MIDN: variants seen among roughly 807,000 people sequenced by gnomAD.
The protein encoded by MIDN is midbrain nucleolar protein.
Under a neutral mutation model 46.1 loss-of-function variants are expected in MIDN, and 26 were observed. That is an observed-to-expected ratio of 0.56 (90% CI 0.41 to 0.78). The LOEUF (loss-of-function observed/expected upper bound fraction) is 0.78. MIDN is among the 30% of genes least tolerant of loss of function. The pLI is 0.00. For missense variants in MIDN, 850 were observed against 771.8 expected (o/e 1.10, Z -1.20); for synonymous variants, 432 against 343.3 (o/e 1.26, Z -2.86).
At chr19:1,255,276 C>A in intron 7 of MIDN, 146 bp from the exon 8 acceptor site, 2 of 1,207,724 alleles carry the variant, frequency 1.7e-6, no homozygotes, top group Non-Finnish European at 2.3e-6. Flanking sequence ...GGGGACGTGT[C>A]CCGCTCCCGC....
intron 1 of MIDN, 34 bp from the exon 2 acceptor site, chr19:1,249,856 T>G (rs973699110): frequency 6.6e-6 from 1 of 151,596 alleles, no homozygotes. Context: ...GTTGATACAT[T>G]ATAACTTTTT....
intron 4 of MIDN, among the ~76,000 whole-genome samples, chr19:1,253,369 G>A (rs1199937112): frequency 1.3e-5 from 2 of 152,080 alleles, no homozygotes; most frequent in South Asian, 2.1e-4. Flanking sequence ...GAGCTGGGAG[G>A]CGGTCGGTTC....
chr19:1,256,941 C>CT (rs2081205817), intron 8 of MIDN, 54 bp from the exon 9 acceptor site: 36 of 1,597,488 alleles, frequency 2.3e-5, no homozygotes, highest in Non-Finnish European at 3.1e-5. Context: ...GGGTGGTCCT[C>CT]TGTGTTCAGC....
Position 1,255,472 on chromosome 19 carries a change from A to G in MIDN, c.1036A>G (p.Ile346Val), listed in dbSNP as rs774057147. The G allele has an allele frequency of 1.4e-5, 22 of 1,609,272 alleles. No individual in the cohort carries two copies. Among genetic ancestry groups the G allele is most frequent in the African/African-American group, 2.7e-5 (2 of 74,848 alleles). ...QDSSGRPRRD[I>V]GTILQILNDL... Reference sequence around the variant, plus strand: ...CAGCAGCGGGCGGCCGCGGCGTGACATCGGCACCATCCTGCAGATCCTGAA... The same window carrying G: ...CAGCAGCGGGCGGCCGCGGCGTGACGTCGGCACCATCCTGCAGATCCTGAA... The change falls in exon 8 of 9, where the codon ATC becomes GTC. Residue 346 changes from isoleucine to valine, a missense_variant. Physicochemically the swap from Ile to Val is conservative, Grantham distance 29. Coordinates refer to ENST00000682408, the MANE Select transcript of MIDN (RefSeq NM_001388306.1).
Position 1,253,629 on chromosome 19 carries a change from C to T in MIDN, c.385-325C>T, listed in dbSNP as rs537194762. The T allele has an allele frequency of 2.0e-4, 32 of 160,480 alleles. No homozygotes were observed. In the South Asian group the frequency reaches 4.2e-3, roughly 21 times the overall value. The allele number at this position is 160,480 out of a possible 1,614,324, so 9.9% of individuals were successfully genotyped here. ...CTTCCTGCAGCCTTGCCACAGCCCCCTAGGCCTCCGCCCCGCCCAGGACAG... is the reference window on the plus strand; with the variant it reads ...CTTCCTGCAGCCTTGCCACAGCCCCTTAGGCCTCCGCCCCGCCCAGGACAG... On this transcript the variant is annotated intron_variant, in intron 4 of 8. Transcript: ENST00000682408.
chr19:1,255,024 G>C lies in MIDN; in HGVS notation c.948G>C (p.Val316=). 5.0e-6 allele frequency: 8 copies of C among 1,613,326 alleles called. No homozygotes were observed. Among genetic ancestry groups the C allele is most frequent in the Non-Finnish European group, 6.8e-6 (8 of 1,179,888 alleles). ...CCGGCGCCGTCATCGAGAGCTTTGT[G>C]AATCACGCCCCGGGGGTCTTCTCAG... ...RKPGAVIESF[V]NHAPGVFSGT... Residue 316 remains valine, a synonymous_variant, in exon 7 of 9, where the codon GTG becomes GTC. Transcript: ENST00000682408.
intron 4 of MIDN, among the ~76,000 whole-genome samples, chr19:1,253,040 G>A (rs1285804063): frequency 6.8e-6 from 1 of 146,550 alleles, no homozygotes; most frequent in African/African-American, 2.5e-5. Flanking sequence ...GGGTTGGGGG[G>A]GGCTGGAGGG....
Position 1,255,525 on chromosome 19 carries a change from C to T in MIDN, c.1089C>T (p.Tyr363=). 6.2e-7 allele frequency: 1 copy of T among 1,612,032 alleles called. No homozygotes were observed. Among genetic ancestry groups the T allele is most frequent in the Non-Finnish European group, 8.5e-7 (1 of 1,179,612 alleles). ...LNDLLSATRH[Y]QGMPPSLAQL... ...ACCTCCTGAGCGCCACCCGGCACTA[C>T]CAGGGCATGCCCCCTTCGCTGGCCC... is the stretch of plus-strand genomic sequence containing the variant. The change falls in exon 8 of 9, where the codon TAC becomes TAT. Residue 363 remains tyrosine, a synonymous_variant. Transcript: ENST00000682408.
rs954492587 is a variant in MIDN, at chr19:1,256,844, G to A, written c.1259-151G>A. ...GGCGTGAACCACTGTGCCCGGCATG[G>A]TGGATGTCCTTGACTGTTTCCTTTG... On this transcript the variant is annotated intron_variant, in intron 8 of 8. Coordinates refer to ENST00000682408, the MANE Select transcript of MIDN (RefSeq NM_001388306.1). 1.6e-5 allele frequency: 19 copies of A among 1,162,644 alleles called. No individual in the cohort carries two copies. In the East Asian group the frequency reaches 4.7e-4, roughly 29 times the overall value. 72.0% of individuals were successfully genotyped at this position (1,162,644 alleles called of 1,614,324 possible).
intron 4 of MIDN, 54 bp from the exon 5 acceptor site, chr19:1,253,900 C>G (rs2081164474): frequency 7.4e-7 from 1 of 1,350,270 alleles, no homozygotes. Context: ...GCAAGACCGA[C>G]CTAGTTGGCC....
chr19:1,252,658 C>T (rs1028369609), intron 4 of MIDN, among the ~76,000 whole-genome samples: 4 of 152,208 alleles, frequency 2.6e-5, no homozygotes, highest in East Asian at 1.9e-4. Flanking sequence ...GCAATCCGCC[C>T]GCTGCCAGGG....
Position 1,251,919 on chromosome 19 carries a change from C to T in MIDN, c.384+18C>T, listed in dbSNP as rs1364789001. Reference sequence around the variant, plus strand: ...AGACGCAGGTAAGACCTCGCCAGCCCCTTCCTAACAGGGCAGCCCTGGGAG... The same window carrying T: ...AGACGCAGGTAAGACCTCGCCAGCCTCTTCCTAACAGGGCAGCCCTGGGAG... On this transcript the variant is annotated intron_variant, in intron 4 of 8. Transcript: ENST00000682408. 6.2e-7 allele frequency: 1 copy of T among 1,610,402 alleles called. No individual in the cohort carries two copies. The highest frequency in any genetic ancestry group is 1.1e-5 in the South Asian group (1 of 90,870).
chr19:1,254,836 G>T, intron 6 of MIDN, 66 bp from the exon 7 acceptor site: 2 of 1,524,362 alleles, frequency 1.3e-6, no homozygotes, highest in Non-Finnish European at 1.8e-6. Flanking sequence ...GTGATCTCTG[G>T]TCCCTGGGTT....
chr19:1,254,671 G>A (rs1234789465), intron 6 of MIDN, among the ~76,000 whole-genome samples, 193 bp downstream of exon 6: 1 of 152,142 alleles, frequency 6.6e-6, no homozygotes, highest in Non-Finnish European at 1.5e-5. Context: ...TGAGTTGACG[G>A]TCATCGCCTG....
chr19:1,253,350 C>T (rs113173533), intron 4 of MIDN, among the ~76,000 whole-genome samples: 5,859 of 151,952 alleles, frequency 0.039, 367 homozygotes, highest in African/African-American at 0.13. Flanking sequence ...AGAGGAGAGC[C>T]GGGAGGGAGA....
intron 8 of MIDN, 146 bp from the exon 9 acceptor site, chr19:1,256,849 T>C: frequency 6.7e-6 from 8 of 1,191,558 alleles, no homozygotes; most frequent in Non-Finnish European, 9.4e-6. Context: ...GCATGGTGGA[T>C]GTCCTTGACT....
chr19:1,250,477 TC>T lies in MIDN; in HGVS notation c.184del (p.Gln62SerfsTer35). On this transcript the variant is annotated frameshift_variant, in exon 2 of 9. Coordinates refer to ENST00000682408, the MANE Select transcript of MIDN (RefSeq NM_001388306.1). LOFTEE classifies it high-confidence loss of function. ...ETVEGLRKRL[S>X]QRLKVPKERL... is the part of the protein sequence containing the mutation. Reference sequence around the variant, plus strand: ...GGTGGAGGGGCTGCGCAAGCGGTTGTCCCAGCGCCTCAAAGTGCCCAAGGAG... The same window carrying T: ...GGTGGAGGGGCTGCGCAAGCGGTTGTCCAGCGCCTCAAAGTGCCCAAGGAG... 2 of 1,372,948 alleles carry T rather than the reference TC, an allele frequency of 1.5e-6. No individual in the cohort carries two copies. Among genetic ancestry groups the T allele is most frequent in the Non-Finnish European group, 1.9e-6 (2 of 1,039,622 alleles). The allele number at this position is 1,372,948 out of a possible 1,614,324, so 85.0% of individuals were successfully genotyped here. A position where few individuals can be genotyped will look rare whatever the true frequency, so the allele number is the denominator to read the frequency against.
rs747586153 is a variant in MIDN, at chr19:1,251,897, C to A, written c.380C>A (p.Thr127Lys). 6.8e-6 allele frequency: 11 copies of A among 1,613,036 alleles called. No individual in the cohort carries two copies. In the South Asian group the frequency reaches 7.7e-5, roughly 11 times the overall value. The change falls in exon 4 of 9, where the codon ACG becomes AAG. Residue 127 changes from threonine to lysine, a missense_variant. Transcript: ENST00000682408. The part of the protein sequence containing the change: ...VMQALESLTE[T>K]QPPAAPGPGR... ...CAAGCTCTCGAGAGTCTCACGGAGACGCAGGTAAGACCTCGCCAGCCCCTT... is the reference window on the plus strand; with the variant it reads ...CAAGCTCTCGAGAGTCTCACGGAGAAGCAGGTAAGACCTCGCCAGCCCCTT...
chr19:1,250,214 C>T lies in MIDN; in HGVS notation c.-83C>T, dbSNP rs1248711702. The T allele has an allele frequency of 5.5e-6, 3 of 548,662 alleles. No individual in the cohort carries two copies. Among genetic ancestry groups the T allele is most frequent in the Non-Finnish European group, 4.6e-6 (2 of 431,168 alleles). The allele number at this position is 548,662 out of a possible 1,614,324, so 34.0% of individuals were successfully genotyped here. A position where few individuals can be genotyped will look rare whatever the true frequency, so the allele number is the denominator to read the frequency against. On this transcript the variant is annotated 5_prime_UTR_variant, in exon 2 of 9. Coordinates refer to ENST00000682408, the MANE Select transcript of MIDN (RefSeq NM_001388306.1). ...CCGAGTGCCCGGAGGACCCGGCATC[C>T]GGGGAGCCTCTCGCCCCTGTCCCGG...
Sources: gnomAD v4.1 joint callset for allele counts (sites outside exome capture counted in the v4.1 genomes callset) on GRCh38, gnomAD v4.1.1 for gene constraint, MANE v1.5 for transcripts, NCBI Gene and HGNC (gene_info 2026-07-23, HGNC 2026-07-21) for gene names.